OR1F1: variants seen among roughly 807,000 people sequenced by gnomAD.
The protein encoded by OR1F1 is olfactory receptor family 1 subfamily F member 1, also known as olfactory receptor 1F1.
For synonymous variants in OR1F1, 184 were observed against 156.7 expected (o/e 1.17, Z -1.30); for missense variants, 493 against 376.3 (o/e 1.31, Z -2.57).
chr16:3,206,527 G>C (rs917577798), downstream of OR1F1, among the ~76,000 whole-genome samples: 1 of 152,094 alleles, frequency 6.6e-6, no homozygotes, highest in African/African-American at 2.4e-5. Flanking sequence ...ACCAATATGG[G>C]ATGTCACCCC....
exon 1 of OR1F1, chr16:3,204,516 G>C (rs1958177799): frequency 3.7e-6 from 6 of 1,614,164 alleles, no homozygotes; most frequent in Non-Finnish European, 5.1e-6. Flanking sequence ...TCGAGACTCA[G>C]ACCATCTCCT....
At chr16:3,194,053 T>C in the OR1F1 span, among the ~76,000 whole-genome samples, 1 of 151,964 alleles carries the variant, frequency 6.6e-6, no homozygotes, top group African/African-American at 2.4e-5. Flanking sequence ...GGACAAAGCA[T>C]GGAGACACAT....
At chr16:3,197,039 A>C in the OR1F1 span, among the ~76,000 whole-genome samples, 1 of 151,580 alleles carries the variant, frequency 6.6e-6, no homozygotes, top group African/African-American at 2.4e-5. Context: ...ACTGCACCTA[A>C]TTTTTGTATT....
chr16:3,204,173 C>A, upstream of OR1F1: 1 of 1,123,764 alleles, frequency 8.9e-7, no homozygotes, highest in Non-Finnish European at 1.3e-6. Context: ...TCCTGTGCCC[C>A]ATCTTAACCA....
At chr16:3,189,365 C>T in the OR1F1 span, among the ~76,000 whole-genome samples, 1 of 151,792 alleles carries the variant, frequency 6.6e-6, no homozygotes, top group African/African-American at 2.4e-5. Flanking sequence ...TCGGAGACGC[C>T]GAATCCCCAA....
the OR1F1 span, among the ~76,000 whole-genome samples, chr16:3,192,968 C>T: frequency 6.6e-6 from 1 of 152,230 alleles, no homozygotes; most frequent in South Asian, 2.1e-4. Context: ...ATGGCGTCTT[C>T]CTCTGTCGCC....
At chr16:3,197,676 A>AGAGG in the OR1F1 span, among the ~76,000 whole-genome samples, 3 of 120,618 alleles carry the variant, frequency 2.5e-5, no homozygotes, top group East Asian at 2.6e-4. Flanking sequence ...TGGGCTGGGG[A>AGAGG]GAGAGGGAGA....
At chr16:3,198,031 AGGAGAG>A in the OR1F1 span, among the ~76,000 whole-genome samples, 3 of 53,240 alleles carry the variant, frequency 5.6e-5, no homozygotes, top group Admixed American at 2.0e-4. Context: ...GAGAGGGAGA[AGGAGAG>A]GGAGAGGGAG....
the OR1F1 span, among the ~76,000 whole-genome samples, chr16:3,193,527 GGGA>G: frequency 1.3e-5 from 2 of 152,236 alleles, no homozygotes. Context: ...TACGGGGAAT[GGGA>G]GTTTTCTCTC....
At chr16:3,205,275 C>A (rs118007536), downstream of OR1F1, 2,209 of 892,510 alleles carry the variant, frequency 2.5e-3, 6 homozygotes, top group Middle Eastern at 7.1e-3. Flanking sequence ...AAATGATGTT[C>A]TTGCTAGTGA....
chr16:3,198,134 G>GGAGGGAGAGAGAGGGAGAGA, the OR1F1 span, among the ~76,000 whole-genome samples: 1 of 111,982 alleles, frequency 8.9e-6, no homozygotes, highest in Non-Finnish European at 1.9e-5. Context: ...AGAGGGAGAA[G>GGAGGGAGAGAGAGGGAGAGA]GAGGGAGAGA....
At chr16:3,201,817 C>T (rs1467461156), upstream of OR1F1, among the ~76,000 whole-genome samples, 2 of 152,186 alleles carry the variant, frequency 1.3e-5, no homozygotes, top group African/African-American at 4.8e-5. Flanking sequence ...CCAGGCGTCA[C>T]TGCCCCTTTC....
the OR1F1 span, among the ~76,000 whole-genome samples, chr16:3,198,971 A>G: frequency 1.3e-5 from 2 of 150,348 alleles, no homozygotes; most frequent in Non-Finnish European, 3.0e-5. Flanking sequence ...AACGAAAACA[A>G]AAACAAAATC....
downstream of OR1F1, among the ~76,000 whole-genome samples, chr16:3,206,215 GA>G (rs1213004628): frequency 4.6e-5 from 7 of 152,074 alleles, no homozygotes; most frequent in Non-Finnish European, 7.4e-5. Flanking sequence ...TTAGTGTGGG[GA>G]AAAAACCCCA....
chr16:3,188,861 C>T, the OR1F1 span, among the ~76,000 whole-genome samples: 1 of 152,212 alleles, frequency 6.6e-6, no homozygotes, highest in Non-Finnish European at 1.5e-5. Flanking sequence ...CTCCTCCTCA[C>T]GTCCTGGGGA....
At chr16:3,203,952 C>A (rs1358700959), upstream of OR1F1, among the ~76,000 whole-genome samples, 1 of 152,116 alleles carries the variant, frequency 6.6e-6, no homozygotes, top group African/African-American at 2.4e-5. Context: ...ACATCCTGAA[C>A]TGTGGGGAAC....
At chr16:3,194,108 G>T in the OR1F1 span, among the ~76,000 whole-genome samples, 1 of 152,098 alleles carries the variant, frequency 6.6e-6, no homozygotes, top group Non-Finnish European at 1.5e-5. Context: ...GCATGAATTT[G>T]GAAGAAAAAC....
the OR1F1 span, chr16:3,189,759 A>G: frequency 6.6e-6 from 1 of 151,806 alleles, no homozygotes; most frequent in Non-Finnish European, 1.5e-5. Context: ...ATTCGGCTCG[A>G]CTTACAGACC....
chr16:3,189,576 C>T, the OR1F1 span, among the ~76,000 whole-genome samples: 1 of 152,204 alleles, frequency 6.6e-6, no homozygotes, highest in African/African-American at 2.4e-5. Context: ...GGGTCCGCCC[C>T]AGCCGCCCCC....
Sources: gnomAD v4.1 joint callset for allele counts (sites outside exome capture counted in the v4.1 genomes callset) on GRCh38, gnomAD v4.1.1 for gene constraint, MANE v1.5 for transcripts, NCBI Gene and HGNC (gene_info 2026-07-23, HGNC 2026-07-21) for gene names.